The following ZXDC variants were observed in gnomAD, a reference collection of about 807,000 sequenced individuals.
ZXDC encodes ZXD family zinc finger C.
ZXDC carries 58 observed loss-of-function variants against 63.6 expected under a neutral mutation model. That is an observed-to-expected ratio of 0.91 (90% CI 0.74 to 1.13). ZXDC has a LOEUF of 1.13. Among genes scored for constraint, ZXDC ranks in the 50% most tolerant of loss-of-function variants. The pLI is 0.00. For missense variants in ZXDC, 1,133 were observed against 1,148.9 expected, an observed-to-expected ratio of 0.99 and a Z score of 0.20; for synonymous variants, 561 against 496.1, an observed-to-expected ratio of 1.13 and a Z score of -1.74.
intron 7 of ZXDC, chr3:126,451,525 T>C: frequency 1.0e-6 from 1 of 985,430 alleles, no homozygotes; most frequent in African/African-American, 1.7e-5. Context: ...CATTACCAAA[T>C]GACCCTCCAA....
At chr3:126,459,241 G>A (rs1201154369) in intron 7 of ZXDC, 1 of 985,302 alleles carries the variant, frequency 1.0e-6, no homozygotes, top group East Asian at 1.1e-4. Context: ...AGGACACACA[G>A]TTTGGCTCCA....
At chr3:126,461,106 A>C in intron 6 of ZXDC, 5 of 986,724 alleles carry the variant, frequency 5.1e-6, no homozygotes, top group Non-Finnish European at 6.0e-6. Flanking sequence ...TGTTAATTCT[A>C]ATTTTAAAAA....
chr3:126,440,471 C>T (rs895715647), intron 8 of ZXDC: 1 of 985,348 alleles, frequency 1.0e-6, no homozygotes, highest in African/African-American at 1.7e-5. Context: ...GAACTCAAAC[C>T]CAGGTTTAAT....
At chr3:126,456,961 C>G (rs1470363079) in intron 7 of ZXDC, among the ~76,000 whole-genome samples, 1 of 152,214 alleles carries the variant, frequency 6.6e-6, no homozygotes, top group African/African-American at 2.4e-5. Context: ...CCGTCTCCAG[C>G]AACCCAGCCC....
chr3:126,445,901 G>A (rs1429172710), intron 7 of ZXDC, among the ~76,000 whole-genome samples: 1 of 152,124 alleles, frequency 6.6e-6, no homozygotes, highest in Non-Finnish European at 1.5e-5. Flanking sequence ...AAACTTCCTG[G>A]GTTAACTAAG....
chr3:126,454,979 A>C, intron 7 of ZXDC: 12 of 985,444 alleles, frequency 1.2e-5, no homozygotes, highest in Non-Finnish European at 1.4e-5. Context: ...ACATTTCCTA[A>C]GAACTGACGT....
intron 7 of ZXDC, chr3:126,454,203 A>G: frequency 3.1e-6 from 3 of 983,148 alleles, no homozygotes; most frequent in Non-Finnish European, 3.6e-6. Flanking sequence ...TATCTTTCAT[A>G]TGCTTATTTT....
At chr3:126,439,021 G>A (rs1933569915) in intron 9 of ZXDC, among the ~76,000 whole-genome samples, 1 of 152,216 alleles carries the variant, frequency 6.6e-6, no homozygotes, top group Non-Finnish European at 1.5e-5. Flanking sequence ...GATCCATGCT[G>A]CCAAACCGCC....
rs1040441999 is a variant in ZXDC at position 126,461,855 on chromosome 3, T to C, written c.1807A>G (p.Thr603Ala). Residue 603 changes from threonine to alanine, a missense_variant, in exon 6 of 10, where the codon ACT becomes GCT. By Grantham distance (58) the Thr-to-Ala change is moderately conservative. Coordinates refer to ENST00000389709, the MANE Select transcript of ZXDC (RefSeq NM_025112.5). ...QGSFSVDDVQTVSAGALGCLV... is the reference protein window; with the variant it reads ...QGSFSVDDVQAVSAGALGCLV... Reference sequence around the variant, plus strand: ...CAGCCTAATGCTCCTGCACTCACAGTCTGCACGTCATCCACACTGAAGCTG... The same window carrying C: ...CAGCCTAATGCTCCTGCACTCACAGCCTGCACGTCATCCACACTGAAGCTG... The C allele has an allele frequency of 6.2e-7, 1 of 1,614,054 alleles. No homozygotes were observed. The highest frequency in any genetic ancestry group is 1.3e-5 in the African/African-American group (1 of 74,916).
rs888025394 is a variant in ZXDC, at chr3:126,473,484, C to G, written c.908-1179G>C. 2.6e-5 allele frequency among the ~76,000 whole-genome samples: 4 copies of G among 152,192 alleles called. No homozygotes were observed. The East Asian group carries it at 7.7e-4, about 29-fold the overall frequency. Reference sequence around the variant, plus strand: ...CTCATGGATCAGCCAACACAAAACCCTCAAGAGACCTCATGCCTGGAAGCA... The same window carrying G: ...CTCATGGATCAGCCAACACAAAACCGTCAAGAGACCTCATGCCTGGAAGCA... On this transcript the variant is annotated intron_variant, in intron 1 of 9. Coordinates refer to ENST00000389709, the MANE Select transcript of ZXDC (RefSeq NM_025112.5).
At chr3:126,470,771 G>T in intron 4 of ZXDC, 124 bp downstream of exon 4, 2 of 1,365,972 alleles carry the variant, frequency 1.5e-6, no homozygotes, top group Non-Finnish European at 2.0e-6. Context: ...TAAACATAAT[G>T]CTGCAACTTA....
chr3:126,439,712 C>T lies in ZXDC; in HGVS notation c.2410G>A (p.Glu804Lys), dbSNP rs932318489. The T allele has an allele frequency of 4.5e-6, 7 of 1,551,524 alleles. No individual in the cohort carries two copies. The highest frequency in any genetic ancestry group is 1.2e-5 in the South Asian group (1 of 84,106). The change falls in exon 9 of 10, where the codon GAA (glutamate) becomes AAA (lysine). Residue 804 changes from glutamate (E) to lysine (K), a missense_variant. Physicochemically the swap from Glu to Lys is moderately conservative, Grantham distance 56 (BLOSUM62 1). Coordinates refer to ENST00000389709, the MANE Select transcript of ZXDC (RefSeq NM_025112.5). ...CCGCGGGCCGAGGGCAGGACACCTT[C>T]GCCGGAGGGGTCATCCTGGGAAGGC... Reference protein sequence around the residue: ...VQLVQDDPSGEGVLPSARGPA... With the variant: ...VQLVQDDPSGKGVLPSARGPA...
intron 5 of ZXDC, 33 bp downstream of exon 5, chr3:126,466,122 C>G: frequency 6.3e-7 from 1 of 1,588,702 alleles, no homozygotes; most frequent in Non-Finnish European, 8.6e-7. Flanking sequence ...CACAGGGAAG[C>G]AGCTCCCCAT....
At chr3:126,458,219 T>A (rs1934385149) in intron 7 of ZXDC, among the ~76,000 whole-genome samples, 1 of 145,078 alleles carries the variant, frequency 6.9e-6, no homozygotes, top group South Asian at 2.2e-4. Context: ...ATGGCTATAA[T>A]TTTTTTTAAT....
chr3:126,453,261 G>A (rs1934180262), intron 7 of ZXDC: 5 of 985,246 alleles, frequency 5.1e-6, no homozygotes, highest in South Asian at 9.4e-5. Context: ...AAGAATTTGT[G>A]GAATTTACTT....
intron 7 of ZXDC, chr3:126,453,483 G>C: frequency 3.0e-6 from 3 of 985,388 alleles, no homozygotes; most frequent in Non-Finnish European, 2.4e-6. Context: ...CATCCCTTGT[G>C]TTCCATATAC....
Position 126,460,501 on chromosome 3 carries a change from C to T in ZXDC, c.2128-764G>A, listed in dbSNP as rs895891973. On this transcript the variant is annotated intron_variant, in intron 6 of 9. Transcript: ENST00000389709. ...TTGCTGGCTTCTCTACCTCCACCCA[C>T]AGCTGCAGCTGCACCAGGGAGCTTC... 16 of 983,062 alleles carry T rather than the reference C, an allele frequency of 1.6e-5. No individual in the cohort carries two copies. In the African/African-American group the frequency reaches 2.7e-4, roughly 17 times the overall value. The allele number at this position is 983,062 out of a possible 1,614,324, so 60.9% of individuals were successfully genotyped here. A position where few individuals can be genotyped will look rare whatever the true frequency, so the allele number is the denominator to read the frequency against.
At position 126,454,120 on chromosome 3, in the gene ZXDC, A is replaced by T. The variant is rs548743680; in HGVS notation, c.2212+5533T>A. ...TTTTCCTGATGCCCTAATTTGTTCC[A>T]TTTAATTTCTATAAATATTCAAAGG... is the stretch of plus-strand genomic sequence containing the variant. On this transcript the variant is annotated intron_variant, in intron 7 of 9. Transcript: ENST00000389709. The T allele has an allele frequency of 1.0e-5, 10 of 958,548 alleles. No individual in the cohort carries two copies. The South Asian group carries it at 1.9e-4, about 18-fold the overall frequency. The allele number at this position is 958,548 out of a possible 1,614,324, so 59.4% of individuals were successfully genotyped here. A position where few individuals can be genotyped will look rare whatever the true frequency, so the allele number is the denominator to read the frequency against.
Position 126,475,855 on chromosome 3 carries a change from G to C in ZXDC, c.11C>G (p.Pro4Arg). 1.9e-6 allele frequency: 2 copies of C among 1,077,738 alleles called. No individual in the cohort carries two copies. Among genetic ancestry groups the C allele is most frequent in the Non-Finnish European group, 1.1e-6 (1 of 890,382 alleles). The allele number at this position is 1,077,738 out of a possible 1,614,324, so 66.8% of individuals were successfully genotyped here. ...CGCAGTCGGGGCGGGGAGCAGCGCC[G>C]GGAGGTCCATCTTGGTCCCAGCGAC... MDLPALLPAPTARG... is the reference protein window; with the variant it reads MDLRALLPAPTARG... Residue 4 changes from proline (P) to arginine (R), a missense_variant, in exon 1 of 10, where the codon CCG becomes CGG. By Grantham distance (103) the Pro-to-Arg change is moderately radical (BLOSUM62 -2). Transcript: ENST00000389709.
Sources: allele counts gnomAD v4.1 joint callset (sites outside exome capture counted in the v4.1 genomes callset), GRCh38; gene constraint gnomAD v4.1.1; transcripts MANE v1.5; gene names NCBI Gene and HGNC (gene_info 2026-07-23, HGNC 2026-07-21).